Variants in TMCC1 observed in about 807,000 individuals in gnomAD.
TMCC1 encodes transmembrane and coiled-coil domain family 1, also known as transmembrane and coiled-coil domains protein 1.
A neutral mutation model predicts 52.4 loss-of-function variants in TMCC1; 15 were observed. The observed-to-expected ratio is 0.29, with a 90% CI of 0.19 to 0.44. The LOEUF is 0.44. Ranked by LOEUF, TMCC1 falls within the 20% of genes least tolerant of loss-of-function variation. The pLI, the probability that TMCC1 is intolerant of heterozygous loss-of-function variation, is 1.00. For synonymous variants in TMCC1, 279 were observed against 301.9 expected, an observed-to-expected ratio of 0.92 and a Z score of 0.79; for missense variants, 503 against 806.0, an observed-to-expected ratio of 0.62 and a Z score of 4.55.
chr3:129,794,263 G>C, intron 4 of TMCC1: 1 of 455,224 alleles, frequency 2.2e-6, no homozygotes, highest in South Asian at 1.6e-5. Flanking sequence ...CAGAGAAAAA[G>C]GAACCATGCT....
chr3:129,655,749 G>A (rs2811425), intron 5 of TMCC1, among the ~76,000 whole-genome samples: 95,661 of 152,114 alleles, frequency 0.63, 35,451 homozygotes, highest in Non-Finnish European at 0.83. Flanking sequence ...AAGGAGTGGG[G>A]GAGGCAAGAT....
At chr3:129,712,532 C>T (rs61371305) in intron 4 of TMCC1, among the ~76,000 whole-genome samples, 14,743 of 152,120 alleles carry the variant, frequency 0.097, 840 homozygotes, top group African/African-American at 0.16. Context: ...ATTGCAGCTT[C>T]GACCCTCTGG....
intron 2 of TMCC1, among the ~76,000 whole-genome samples, chr3:129,843,242 G>A (rs915503927): frequency 3.3e-5 from 5 of 152,084 alleles, no homozygotes; most frequent in African/African-American, 1.2e-4. Flanking sequence ...AGCTACTCAG[G>A]AGGCTGAGGC....
chr3:129,756,100 GAAAAAAAAAA>G (rs764626470), intron 4 of TMCC1, among the ~76,000 whole-genome samples: 2 of 50,300 alleles, frequency 4.0e-5, no homozygotes, highest in Admixed American at 2.0e-4. Flanking sequence ...TCCATCTCAA[GAAAAAAAAAA>G]AAAAAGAAAA....
intron 1 of TMCC1, among the ~76,000 whole-genome samples, chr3:129,888,691 T>C (rs145840368): frequency 1.3e-5 from 2 of 152,194 alleles, no homozygotes; most frequent in East Asian, 1.9e-4. Flanking sequence ...CTTAAGGAGG[T>C]AGAACATAAC....
intron 4 of TMCC1, among the ~76,000 whole-genome samples, chr3:129,715,383 C>T (rs2049004020): frequency 6.6e-6 from 1 of 152,106 alleles, no homozygotes; most frequent in South Asian, 2.1e-4. Flanking sequence ...ATGGCAAAAC[C>T]CTGTCTCTAC....
intron 4 of TMCC1, among the ~76,000 whole-genome samples, chr3:129,710,121 G>C (rs1274629960): frequency 1.3e-5 from 2 of 152,106 alleles, no homozygotes; most frequent in Admixed American, 6.5e-5. Context: ...GGGAGGTGGA[G>C]GTTGTGGTGG....
chr3:129,722,445 C>T (rs2049696998), intron 4 of TMCC1, among the ~76,000 whole-genome samples: 1 of 152,162 alleles, frequency 6.6e-6, no homozygotes, highest in African/African-American at 2.4e-5. Context: ...TTCCACAAAA[C>T]CGGTCCCTGG....
chr3:129,743,084 A>G (rs1481547649), intron 4 of TMCC1, among the ~76,000 whole-genome samples: 2 of 152,168 alleles, frequency 1.3e-5, no homozygotes, highest in African/African-American at 4.8e-5. Context: ...TCCTTTTGAG[A>G]TAATAAAAAT....
At chr3:129,731,791 T>C (rs1343870985) in intron 4 of TMCC1, among the ~76,000 whole-genome samples, 2 of 152,040 alleles carry the variant, frequency 1.3e-5, no homozygotes, top group Non-Finnish European at 2.9e-5. Context: ...CGGCTAGTTT[T>C]TCGTATTTTT....
intron 4 of TMCC1, among the ~76,000 whole-genome samples, chr3:129,767,547 A>T (rs979693175): frequency 6.6e-6 from 1 of 151,978 alleles, no homozygotes; most frequent in African/African-American, 2.4e-5. Context: ...TAATTTTTAA[A>T]TTTTTTTGTA....
intron 4 of TMCC1, among the ~76,000 whole-genome samples, chr3:129,760,812 A>G (rs1408137083): frequency 6.8e-6 from 1 of 148,050 alleles, no homozygotes; most frequent in Non-Finnish European, 1.5e-5. Flanking sequence ...GGGTTTCGCC[A>G]TGTTGCCCAG....
chr3:129,824,422 G>A (rs750743510), intron 4 of TMCC1, among the ~76,000 whole-genome samples: 2 of 152,126 alleles, frequency 1.3e-5, no homozygotes, highest in Non-Finnish European at 2.9e-5. Context: ...ATTTACCAAG[G>A]TTAGGAACAG....
intron 5 of TMCC1, among the ~76,000 whole-genome samples, chr3:129,659,098 T>TTTC (rs2086855970): frequency 6.9e-6 from 1 of 145,598 alleles, no homozygotes; most frequent in African/African-American, 2.6e-5. Context: ...TTCTTTCTTT[T>TTTC]TTTTTTTTTT....
chr3:129,742,125 T>C (rs1271885946), intron 4 of TMCC1, among the ~76,000 whole-genome samples: 1 of 152,134 alleles, frequency 6.6e-6, no homozygotes, highest in Non-Finnish European at 1.5e-5. Flanking sequence ...CCTTGAATAG[T>C]CAATGAGTCT....
chr3:129,768,672 A>G (rs1218948668), intron 4 of TMCC1, among the ~76,000 whole-genome samples: 1 of 152,220 alleles, frequency 6.6e-6, no homozygotes, highest in Non-Finnish European at 1.5e-5. Context: ...AGAGAAAATG[A>G]GGATAAAATA....
intron 4 of TMCC1, among the ~76,000 whole-genome samples, chr3:129,817,674 G>C (rs1341632669): frequency 1.3e-5 from 2 of 151,714 alleles, no homozygotes; most frequent in African/African-American, 4.8e-5. Context: ...TTTAGATGGA[G>C]TCTCACTCTG....
In TMCC1 at chr3:129,650,591, A is replaced by G. The variant is rs2086264306; in HGVS notation, c.*890T>C. ...ATCACTTCTTTATTTCAAAGGAAAA[A>G]TAAAAGACCCTCCCAACCCTGTCCA... is the stretch of plus-strand genomic sequence containing the variant. On this transcript the variant is annotated 3_prime_UTR_variant, in exon 7 of 7. Transcript: ENST00000393238. 1 of 152,632 alleles carries G rather than the reference A, an allele frequency of 6.6e-6. No individual in the cohort carries two copies. Among genetic ancestry groups the G allele is most frequent in the Non-Finnish European group, 1.5e-5 (1 of 68,040 alleles). The allele number at this position is 152,632 out of a possible 1,614,324, so 9.5% of individuals were successfully genotyped here.
At position 129,675,788 on chromosome 3, in the gene TMCC1, A is replaced by G. The variant is rs2088373423; in HGVS notation, c.577-4524T>C. Among the ~76,000 whole-genome samples the G allele has an allele frequency of 3.3e-5, 5 of 152,212 alleles. No individual in the cohort carries two copies. In the South Asian group the frequency reaches 1.0e-3, roughly 32 times the overall value. ...CGCAGTGGCTCACGCCTGTAATCTC[A>G]GCACTTTGAGAGGCCGAGGCAGGCG... On this transcript the variant is annotated intron_variant, in intron 4 of 6. Coordinates refer to ENST00000393238, the MANE Select transcript of TMCC1 (RefSeq NM_001017395.5).
Sources: allele counts gnomAD v4.1 joint callset (sites outside exome capture counted in the v4.1 genomes callset), GRCh38; gene constraint gnomAD v4.1.1; transcripts MANE v1.5; gene names NCBI Gene and HGNC (gene_info 2026-07-23, HGNC 2026-07-21).